DPH6: variants seen among roughly 807,000 people sequenced by gnomAD.
The protein encoded by DPH6 is diphthamine biosynthesis 6, also known as diphthine--ammonia ligase.
A neutral mutation model predicts 38.2 loss-of-function variants in DPH6; 33 were observed. That is an observed-to-expected ratio of 0.86 (90% CI 0.65 to 1.15). The LOEUF (loss-of-function observed/expected upper bound fraction) is 1.15. Among genes scored for constraint, DPH6 ranks in the 50% most tolerant of loss-of-function variants. DPH6 has a pLI of 0.00. For missense variants in DPH6, 325 were observed against 320.0 expected (o/e 1.02, Z -0.12); for synonymous variants, 108 against 103.0 (o/e 1.05, Z -0.30).
downstream of DPH6, among the ~76,000 whole-genome samples, chr15:35,366,228 T>TTGCG (rs376724959): frequency 1.2e-3 from 167 of 144,376 alleles, no homozygotes; most frequent in African/African-American, 4.1e-3. Context: ...TTTAGTCATC[T>TTGCG]TGTGTGTGTG....
At chr15:35,251,372 C>T (rs1394492421) in intron 3 of DPH6, among the ~76,000 whole-genome samples, 1 of 152,166 alleles carries the variant, frequency 6.6e-6, no homozygotes, top group African/African-American at 2.4e-5. Flanking sequence ...TGCCTCAGTT[C>T]ATAATCCCAC....
intron 3 of DPH6, chr15:35,299,482 C>T: frequency 1.3e-6 from 1 of 754,420 alleles, no homozygotes; most frequent in Non-Finnish European, 2.5e-6. Context: ...CGACTCTGCC[C>T]ATGGGCCGCG....
At chr15:35,215,366 A>C (rs780356964), downstream of DPH6, among the ~76,000 whole-genome samples, 2 of 152,220 alleles carry the variant, frequency 1.3e-5, no homozygotes, top group Non-Finnish European at 2.9e-5. Context: ...GGAAGTACAT[A>C]TAACCTAAAC....
At chr15:35,502,975 C>T (rs1462105686) in intron 3 of DPH6, among the ~76,000 whole-genome samples, 3 of 148,198 alleles carry the variant, frequency 2.0e-5, no homozygotes, top group Non-Finnish European at 3.0e-5. Flanking sequence ...CACCAGTGTG[C>T]CTGGCCTCAC....
intron 3 of DPH6, chr15:35,220,605 G>C (rs73391442): frequency 6.6e-6 from 1 of 151,962 alleles, no homozygotes; most frequent in African/African-American, 2.4e-5. Flanking sequence ...AAAGAGGCAG[G>C]AGACAGGAGT....
chr15:35,416,356 T>A (rs2053436254), intron 5 of DPH6, among the ~76,000 whole-genome samples: 1 of 152,056 alleles, frequency 6.6e-6, no homozygotes, highest in Non-Finnish European at 1.5e-5. Context: ...TAAACAATTT[T>A]AAAACATATT....
At chr15:35,281,921 T>G (rs1413532567) in intron 3 of DPH6, among the ~76,000 whole-genome samples, 1 of 152,220 alleles carries the variant, frequency 6.6e-6, no homozygotes, top group Admixed American at 6.5e-5. Flanking sequence ...TATTTTCACT[T>G]AAATCAATTT....
chr15:35,487,522 C>G (rs1484474536), intron 3 of DPH6, among the ~76,000 whole-genome samples: 1 of 152,234 alleles, frequency 6.6e-6, no homozygotes, highest in East Asian at 1.9e-4. Flanking sequence ...ACCTTGGCCC[C>G]TTTTAGCCAT....
At chr15:35,488,686 T>C (rs965759721) in intron 3 of DPH6, among the ~76,000 whole-genome samples, 1 of 152,072 alleles carries the variant, frequency 6.6e-6, no homozygotes, top group African/African-American at 2.4e-5. Context: ...ACCATATCAG[T>C]AGTTAAACAT....
At chr15:35,418,737 T>A (rs2053466795) in intron 5 of DPH6, among the ~76,000 whole-genome samples, 1 of 152,130 alleles carries the variant, frequency 6.6e-6, no homozygotes, top group Admixed American at 6.5e-5. Flanking sequence ...TTATTTTCAA[T>A]GCATTTTTCA....
At chr15:35,270,145 G>A (rs2051813536) in intron 3 of DPH6, among the ~76,000 whole-genome samples, 1 of 152,150 alleles carries the variant, frequency 6.6e-6, no homozygotes, top group Admixed American at 6.5e-5. Context: ...TGAAATGTAA[G>A]ATGCAATCCA....
At chr15:35,164,433 A>C in the DPH6 span, among the ~76,000 whole-genome samples, 1 of 151,790 alleles carries the variant, frequency 6.6e-6, no homozygotes, top group East Asian at 1.9e-4. Flanking sequence ...CAGAGTTCTA[A>C]TGCCTGAACT....
intron 7 of DPH6, among the ~76,000 whole-genome samples, chr15:35,375,824 A>G (rs1205209117): frequency 2.7e-5 from 4 of 150,020 alleles, no homozygotes; most frequent in Admixed American, 2.7e-4. Flanking sequence ...TCTCACCTCA[A>G]AAAAAAAAAT....
intron 3 of DPH6, among the ~76,000 whole-genome samples, chr15:35,493,541 C>G (rs2141178077): frequency 6.6e-6 from 1 of 152,214 alleles, no homozygotes; most frequent in African/African-American, 2.4e-5. Context: ...ATGGGACATT[C>G]AGAGATACCA....
intron 3 of DPH6, among the ~76,000 whole-genome samples, chr15:35,312,953 C>T (rs779405063): frequency 3.9e-5 from 6 of 152,220 alleles, no homozygotes; most frequent in South Asian, 4.1e-4. Context: ...TCAGGCTGGG[C>T]GCAATGGCTC....
the DPH6 span, among the ~76,000 whole-genome samples, chr15:35,203,400 C>A: frequency 6.6e-6 from 1 of 151,524 alleles, no homozygotes; most frequent in Non-Finnish European, 1.5e-5. Flanking sequence ...TTTATAAGCA[C>A]TTCCAGGGTG....
In DPH6 at chr15:35,371,469, G is replaced by A. The variant is rs2052712737; in HGVS notation, c.*681C>T. ...ATGTGTGGAGGTAGAGGGTATATGG[G>A]AAATCTCTGCATTTTCTGCTCCATT... On this transcript the variant is annotated 3_prime_UTR_variant, in exon 9 of 9. Transcript: ENST00000256538. 1 of 611,456 alleles carries A rather than the reference G, an allele frequency of 1.6e-6. No homozygotes were observed. The highest frequency in any genetic ancestry group is 2.0e-6 in the Non-Finnish European group (1 of 488,970). 37.9% of individuals were successfully genotyped at this position (611,456 alleles called of 1,614,324 possible).
chr15:35,541,304 G>A (rs1406801646), intron 2 of DPH6, among the ~76,000 whole-genome samples: 1 of 151,978 alleles, frequency 6.6e-6, no homozygotes, highest in East Asian at 1.9e-4. Flanking sequence ...ACTATTCCAG[G>A]GCTAATCCAA....
chr15:35,219,263 A>G (rs1026888109), exon 4 of DPH6: 2 of 152,192 alleles, frequency 1.3e-5, no homozygotes, highest in Non-Finnish European at 2.9e-5. Flanking sequence ...ATAATATCTG[A>G]CTTGGCAAAG....
Sources: gnomAD v4.1 joint callset for allele counts (sites outside exome capture counted in the v4.1 genomes callset) on GRCh38, gnomAD v4.1.1 for gene constraint, MANE v1.5 for transcripts, NCBI Gene and HGNC (gene_info 2026-07-23, HGNC 2026-07-21) for gene names.